The following RIMS2 variants were observed in gnomAD, a reference collection of about 807,000 sequenced individuals.
The protein encoded by RIMS2 is regulating synaptic membrane exocytosis protein 2.
RIMS2 carries 59 observed loss-of-function variants against 174.4 expected under a neutral mutation model. The observed-to-expected ratio is 0.34, with a 90% CI of 0.27 to 0.42. RIMS2 has a LOEUF of 0.42. RIMS2 is among the 10% of genes least tolerant of loss of function. The probability of loss-of-function intolerance (pLI) is 1.00; values close to 1 mark genes in which losing one functional copy is unlikely to be tolerated. For synonymous variants in RIMS2, 606 were observed against 572.5 expected, an observed-to-expected ratio of 1.06 and a Z score of -0.84; for missense variants, 1,620 against 1,666.3, an observed-to-expected ratio of 0.97 and a Z score of 0.48.
chr8:104,219,403 A>T (rs2099145313), intron 19 of RIMS2, among the ~76,000 whole-genome samples: 1 of 152,230 alleles, frequency 6.6e-6, no homozygotes. Context: ...TAGTTAAGCA[A>T]GTCATTTAAT....
rs1359577231 is a variant in RIMS2 at position 103,843,973 on chromosome 8, G to C, written c.699-41325G>C. Among the ~76,000 whole-genome samples, 8 of 152,260 alleles carry C rather than the reference G, an allele frequency of 5.3e-5. No homozygotes were observed. The East Asian group carries it at 1.4e-3, about 26-fold the overall frequency. On this transcript the variant is annotated intron_variant, in intron 3 of 23. Transcript: ENST00000504942. Reference sequence around the variant, plus strand: ...AATTGTGGAGGCACGTCTTTCCCATGATGTTCTCATGATAGCAAATAAGTC... The same window carrying C: ...AATTGTGGAGGCACGTCTTTCCCATCATGTTCTCATGATAGCAAATAAGTC...
chr8:103,612,250 C>G (rs1250071254), intron 1 of RIMS2, among the ~76,000 whole-genome samples: 9 of 152,210 alleles, frequency 5.9e-5, no homozygotes, highest in Admixed American at 5.9e-4. Flanking sequence ...CTCTGTCTGA[C>G]AGGTCACATG....
At chr8:104,185,028 G>T (rs556881906) in intron 19 of RIMS2, among the ~76,000 whole-genome samples, 9 of 151,450 alleles carry the variant, frequency 5.9e-5, no homozygotes, top group African/African-American at 1.2e-4. Flanking sequence ...ATGACTGGCG[G>T]GTTATAAAAT....
At chr8:104,064,624 CATTTATGAAACAAGAT>C (rs1463800145) in intron 19 of RIMS2, among the ~76,000 whole-genome samples, 4 of 151,916 alleles carry the variant, frequency 2.6e-5, no homozygotes, top group South Asian at 2.1e-4. Context: ...ACAACTCTAG[CATTTATGAAACAAGAT>C]ATTTATGAAA....
chr8:103,896,032 C>G (rs1442939517), intron 4 of RIMS2, among the ~76,000 whole-genome samples: 1 of 151,630 alleles, frequency 6.6e-6, no homozygotes, highest in Non-Finnish European at 1.5e-5. Flanking sequence ...CGTGCTCTCT[C>G]AGGATCTCCC....
intron 1 of RIMS2, among the ~76,000 whole-genome samples, chr8:103,576,443 A>G (rs1052518082): frequency 1.3e-5 from 2 of 152,234 alleles, no homozygotes; most frequent in Admixed American, 6.5e-5. Flanking sequence ...TCAAAAAAAC[A>G]AGAGCAAAGA....
At chr8:104,105,263 T>C (rs1024972997) in intron 19 of RIMS2, among the ~76,000 whole-genome samples, 13 of 152,044 alleles carry the variant, frequency 8.6e-5, no homozygotes, top group Admixed American at 6.6e-5. Flanking sequence ...AAATTTAAAC[T>C]TCTAAATAAA....
chr8:103,797,505 A>G (rs1250823598), intron 3 of RIMS2, among the ~76,000 whole-genome samples: 2 of 152,170 alleles, frequency 1.3e-5, no homozygotes, highest in Non-Finnish European at 2.9e-5. Flanking sequence ...ACTTGTTACA[A>G]TTATCCTGTG....
intron 3 of RIMS2, among the ~76,000 whole-genome samples, chr8:103,840,742 A>AAT (rs1177494433): frequency 3.3e-5 from 5 of 152,126 alleles, no homozygotes; most frequent in African/African-American, 1.2e-4. Context: ...TTTTAAGGCA[A>AAT]TGACAGTTCA....
chr8:103,535,090 A>G (rs1488902870), intron 1 of RIMS2, among the ~76,000 whole-genome samples: 1 of 152,144 alleles, frequency 6.6e-6, no homozygotes, highest in Admixed American at 6.5e-5. Flanking sequence ...ATAAATTGTT[A>G]TTTACGACTT....
At chr8:103,503,566 T>C (rs2028083) in intron 1 of RIMS2, among the ~76,000 whole-genome samples, 9,922 of 152,050 alleles carry the variant, frequency 0.065, 399 homozygotes, top group South Asian at 0.087. Flanking sequence ...AAAATTAACA[T>C]GTATTTTAAG....
At chr8:103,870,407 A>G (rs547385550) in intron 3 of RIMS2, among the ~76,000 whole-genome samples, 6 of 151,032 alleles carry the variant, frequency 4.0e-5, no homozygotes, top group African/African-American at 1.5e-4. Flanking sequence ...CCACTACACC[A>G]CTGCAATAAT....
Position 103,689,868 on chromosome 8 carries a change from G to A in RIMS2, c.177-7218G>A, listed in dbSNP as rs117167167. Among the ~76,000 whole-genome samples, 1,498 of 151,870 alleles carry A rather than the reference G, an allele frequency of 9.9e-3. 21 individuals carry two copies. Among genetic ancestry groups the A allele is most frequent in the South Asian group, 0.049 (236 of 4,822 alleles). ...TTTCAGTTTATGTTTATCTTTATAGGTGAAGTGTGTTACTTTTAGGCAACA... is the reference window on the plus strand; with the variant it reads ...TTTCAGTTTATGTTTATCTTTATAGATGAAGTGTGTTACTTTTAGGCAACA... On this transcript the variant is annotated intron_variant, in intron 1 of 23. Transcript: ENST00000504942.
chr8:103,766,502 G>A (rs1251617983), exon 3 of RIMS2: 2 of 1,613,562 alleles, frequency 1.2e-6, no homozygotes, highest in Admixed American at 3.3e-5. Context: ...GGTCAGGCGT[G>A]AAGCATCACA....
intron 3 of RIMS2, among the ~76,000 whole-genome samples, chr8:103,863,666 T>C (rs2154502397): frequency 6.6e-6 from 1 of 152,170 alleles, no homozygotes; most frequent in South Asian, 2.1e-4. Flanking sequence ...TCTTCTGGGA[T>C]CTTAGGAGGT....
Position 103,886,000 on chromosome 8 carries a change from AAAAAC to A in RIMS2, c.1407_1411del (p.Lys470GlyfsTer10). The A allele has an allele frequency of 6.2e-7, 1 of 1,613,122 alleles. No homozygotes were observed. Among genetic ancestry groups the A allele is most frequent in the Non-Finnish European group, 8.5e-7 (1 of 1,179,492 alleles). On this transcript the variant is annotated frameshift_variant, in exon 4 of 24. Coordinates refer to ENST00000504942, the Ensembl canonical transcript of RIMS2. LOFTEE classifies it high-confidence loss of function. ...ACTTAGATCCTAGCTCTGCTGTAAG[AAAAAC>A]AAAACGGGAAAAAATGGAAACAATG... is the stretch of plus-strand genomic sequence containing the variant.
intron 2 of RIMS2, among the ~76,000 whole-genome samples, chr8:103,734,014 CT>C (rs59348302): frequency 0.29 from 24,208 of 84,250 alleles, 2,600 homozygotes; most frequent in East Asian, 0.65. Flanking sequence ...CTAAAAGCTT[CT>C]TTTTTTTTTT....
chr8:103,878,335 G>C (rs2099151350), intron 3 of RIMS2, among the ~76,000 whole-genome samples: 1 of 151,892 alleles, frequency 6.6e-6, no homozygotes, highest in East Asian at 1.9e-4. Context: ...CCTTGGTTAA[G>C]TATATTCCTA....
intron 19 of RIMS2, among the ~76,000 whole-genome samples, chr8:104,115,757 TG>T (rs1432264916): frequency 1.3e-5 from 2 of 152,114 alleles, no homozygotes; most frequent in Non-Finnish European, 2.9e-5. Context: ...TTGGTAGTGT[TG>T]GGAATGGTGG....
Sources: allele counts gnomAD v4.1 joint callset (sites outside exome capture counted in the v4.1 genomes callset), GRCh38; gene constraint gnomAD v4.1.1; transcripts MANE v1.5; gene names NCBI Gene and HGNC (gene_info 2026-07-23, HGNC 2026-07-21).